The following KLF12 variants were observed in gnomAD, a reference collection of about 807,000 sequenced individuals.
KLF12 encodes the protein KLF transcription factor 12, also known as Krueppel-like factor 12.
Under a neutral mutation model 37.8 loss-of-function variants are expected in KLF12, and 9 were observed. The observed-to-expected ratio is 0.24, with a 90% CI of 0.14 to 0.42. KLF12 has a LOEUF of 0.42. Ranked by LOEUF, KLF12 falls within the 10% of genes least tolerant of loss-of-function variation. The pLI is 1.00. For synonymous variants in KLF12, 208 were observed against 202.1 expected, an observed-to-expected ratio of 1.03 and a Z score of -0.25; for missense variants, 411 against 516.0, an observed-to-expected ratio of 0.80 and a Z score of 1.97.
chr13:74,166,276 C>T, the KLF12 span, among the ~76,000 whole-genome samples: 1 of 151,808 alleles, frequency 6.6e-6, no homozygotes, highest in Non-Finnish European at 1.5e-5. Flanking sequence ...ATTTTTTGCA[C>T]AGACAGGGTT....
At chr13:74,125,051 A>T (rs1194189482) in intron 1 of KLF12, among the ~76,000 whole-genome samples, 1 of 151,756 alleles carries the variant, frequency 6.6e-6, no homozygotes, top group Non-Finnish European at 1.5e-5. Flanking sequence ...AGGCTGAAGC[A>T]GGAGAATTGC....
the KLF12 span, among the ~76,000 whole-genome samples, chr13:74,187,327 A>G: frequency 6.6e-6 from 1 of 151,778 alleles, no homozygotes; most frequent in Non-Finnish European, 1.5e-5. Flanking sequence ...CTGTCTCAAA[A>G]GAAAAAAAAA....
chr13:73,703,890 A>G (rs1216922078), intron 7 of KLF12, among the ~76,000 whole-genome samples: 1 of 152,240 alleles, frequency 6.6e-6, no homozygotes, highest in East Asian at 1.9e-4. Flanking sequence ...CAGGACAGAC[A>G]ATAGTGTTAA....
At chr13:74,284,016 C>A in the KLF12 span, among the ~76,000 whole-genome samples, 1 of 151,952 alleles carries the variant, frequency 6.6e-6, no homozygotes, top group African/African-American at 2.4e-5. Context: ...CACCTCCATG[C>A]CCGGCTAATT....
chr13:73,947,896 C>T (rs1890501550), intron 2 of KLF12, among the ~76,000 whole-genome samples: 1 of 152,146 alleles, frequency 6.6e-6, no homozygotes, highest in Admixed American at 6.5e-5. Context: ...CATTTCCTTT[C>T]TCTCCTCCTG....
At chr13:74,221,524 A>G in the KLF12 span, among the ~76,000 whole-genome samples, 1 of 152,228 alleles carries the variant, frequency 6.6e-6, no homozygotes, top group African/African-American at 2.4e-5. Context: ...CTTAATATTA[A>G]CTTTAGAGGG....
At chr13:73,886,473 AG>A (rs1050467013) in intron 3 of KLF12, among the ~76,000 whole-genome samples, 1 of 152,058 alleles carries the variant, frequency 6.6e-6, no homozygotes, top group East Asian at 1.9e-4. Context: ...ATGGAAAAAT[AG>A]GGGGGTAGGG....
the KLF12 span, among the ~76,000 whole-genome samples, chr13:74,155,976 G>C: frequency 6.6e-6 from 1 of 152,116 alleles, no homozygotes. Flanking sequence ...TTTCCGCATG[G>C]CCTGTCATCT....
intron 1 of KLF12, among the ~76,000 whole-genome samples, chr13:74,115,853 C>G (rs1593913181): frequency 1.3e-5 from 2 of 152,170 alleles, no homozygotes; most frequent in Non-Finnish European, 2.9e-5. Flanking sequence ...TGTAAGGACA[C>G]TTGTCACTGA....
At chr13:73,817,358 A>AG (rs1883290691) in intron 4 of KLF12, among the ~76,000 whole-genome samples, 1 of 151,816 alleles carries the variant, frequency 6.6e-6, no homozygotes, top group Non-Finnish European at 1.5e-5. Context: ...ACAAAAAAAA[A>AG]AAAGAAAGAA....
chr13:73,947,631 A>T (rs1890485940), intron 2 of KLF12, among the ~76,000 whole-genome samples: 1 of 132,278 alleles, frequency 7.6e-6, no homozygotes, highest in African/African-American at 2.9e-5. Flanking sequence ...AGCCTGAGCG[A>T]CAGAGGGAGA....
chr13:73,795,778 C>T (rs753107824), intron 5 of KLF12, among the ~76,000 whole-genome samples: 44 of 152,012 alleles, frequency 2.9e-4, no homozygotes, highest in Non-Finnish European at 5.7e-4. Flanking sequence ...GTTTTCTACT[C>T]GGGACAAACC....
upstream of KLF12, among the ~76,000 whole-genome samples, chr13:74,135,383 G>C (rs1481440480): frequency 4.6e-5 from 7 of 152,060 alleles, no homozygotes; most frequent in Middle Eastern, 3.4e-3. Flanking sequence ...CCCAAGAAGC[G>C]GACGGCCCGG....
intron 1 of KLF12, among the ~76,000 whole-genome samples, chr13:74,021,149 G>A (rs1892831635): frequency 6.6e-6 from 1 of 152,106 alleles, no homozygotes; most frequent in South Asian, 2.1e-4. Flanking sequence ...AAAGAAAAAA[G>A]CATTTTGAAT....
chr13:73,899,382 A>C (rs2139073614), intron 3 of KLF12, among the ~76,000 whole-genome samples: 1 of 152,252 alleles, frequency 6.6e-6, no homozygotes, highest in East Asian at 1.9e-4. Context: ...GAGGACAATA[A>C]TCTCTCAACC....
chr13:74,182,466 T>G, the KLF12 span, among the ~76,000 whole-genome samples: 1 of 152,216 alleles, frequency 6.6e-6, no homozygotes, highest in African/African-American at 2.4e-5. Flanking sequence ...TATATGATGG[T>G]CTGCCTCAGG....
At chr13:74,143,063 C>CTTCCTCTCT in the KLF12 span, among the ~76,000 whole-genome samples, 2 of 148,828 alleles carry the variant, frequency 1.3e-5, no homozygotes, top group African/African-American at 2.5e-5. Flanking sequence ...TCCTTCCTTC[C>CTTCCTCTCT]TTCCTCTCTT....
At chr13:74,255,071 T>C in the KLF12 span, among the ~76,000 whole-genome samples, 1 of 152,238 alleles carries the variant, frequency 6.6e-6, no homozygotes, top group Admixed American at 6.5e-5. Context: ...TCAATACTCC[T>C]GTCTAATGTC....
intron 1 of KLF12, among the ~76,000 whole-genome samples, chr13:74,129,824 A>T (rs1878164045): frequency 6.6e-6 from 1 of 152,256 alleles, no homozygotes; most frequent in Admixed American, 6.5e-5. Flanking sequence ...ATGACAATAA[A>T]CACCCAAAAC....
Sources: allele counts gnomAD v4.1 joint callset (sites outside exome capture counted in the v4.1 genomes callset), GRCh38; gene constraint gnomAD v4.1.1; transcripts MANE v1.5; gene names NCBI Gene and HGNC (gene_info 2026-07-23, HGNC 2026-07-21).